The following LZTS1 variants were observed in gnomAD, a reference collection of about 807,000 sequenced individuals.
LZTS1 encodes leucine zipper putative tumor suppressor 1.
LZTS1 carries 31 observed loss-of-function variants against 45.8 expected under a neutral mutation model. The ratio of observed to expected loss-of-function variants is 0.68; its 90% CI spans 0.51 to 0.91. The LOEUF (loss-of-function observed/expected upper bound fraction) is 0.91, where lower values mean the gene tolerates loss of function less well. Among genes scored for constraint, LZTS1 ranks in the 40% least tolerant of loss-of-function variants. The probability of loss-of-function intolerance (pLI) is 0.00; values close to 1 mark genes in which losing one functional copy is unlikely to be tolerated. For missense variants in LZTS1, 821 were observed against 788.9 expected, an observed-to-expected ratio of 1.04 and a Z score of -0.49; for synonymous variants, 359 against 357.3, an observed-to-expected ratio of 1.00 and a Z score of -0.05.
chr8:20,255,104 G>A lies in LZTS1; in HGVS notation c.78C>T (p.Arg26=), dbSNP rs1164846871. Residue 26 remains arginine, a synonymous_variant, in exon 2 of 4, where the codon CGC becomes CGT. Transcript: ENST00000381569. ...TGAGCTTCTTGAGGTGGGAGGACTT[G>A]CGCAGCTTGTACTGCGAAGCCCGGC... ...KHCRASQYKL[R]KSSHLKKLNR... 1.2e-6 allele frequency: 2 copies of A among 1,614,102 alleles called. No homozygotes were observed. The highest frequency in any genetic ancestry group is 1.6e-4 in the Middle Eastern group (1 of 6,084).
At position 20,249,252 on chromosome 8, in the gene LZTS1, A is replaced by T. The variant is rs1799816570; in HGVS notation, c.*470T>A. The T allele has an allele frequency of 6.4e-6, 1 of 156,664 alleles. No individual in the cohort carries two copies. 9.7% of individuals were successfully genotyped at this position (156,664 alleles called of 1,614,324 possible). A position where few individuals can be genotyped will look rare whatever the true frequency, so the allele number is the denominator to read the frequency against. The stretch of plus-strand genomic sequence containing the variant: ...TACACCTCTGCGGCCAGAGGAAAAT[A>T]GCTCAGGTTCTGATGGGGCTGGTTC... On this transcript the variant is annotated 3_prime_UTR_variant, in exon 4 of 4. Transcript: ENST00000381569.
chr8:20,299,425 C>T (rs1801034725), intron 1 of LZTS1, among the ~76,000 whole-genome samples: 1 of 152,202 alleles, frequency 6.6e-6, no homozygotes, highest in Non-Finnish European at 1.5e-5. Flanking sequence ...CAACCTAATA[C>T]AATCCAGTTT....
At chr8:20,295,927 T>C (rs1003332018) in intron 1 of LZTS1, among the ~76,000 whole-genome samples, 3 of 152,150 alleles carry the variant, frequency 2.0e-5, no homozygotes, top group Admixed American at 6.5e-5. Flanking sequence ...TTTCCCTGCC[T>C]CCTTCACGCT....
chr8:20,273,645 C>A (rs1462455054), intron 1 of LZTS1, among the ~76,000 whole-genome samples: 1 of 152,176 alleles, frequency 6.6e-6, no homozygotes, highest in African/African-American at 2.4e-5. Context: ...CACCCTACAT[C>A]TGACCAGCCA....
At chr8:20,251,098 A>AATATATATATATATATAT (rs527759585) in intron 3 of LZTS1, among the ~76,000 whole-genome samples, 3 of 41,392 alleles carry the variant, frequency 7.2e-5, no homozygotes, top group Non-Finnish European at 1.1e-4. Flanking sequence ...CCTGAGGGCT[A>AATATATATATATATATAT]ATATATATAT....
chr8:20,295,339 C>A (rs947457510), intron 1 of LZTS1, among the ~76,000 whole-genome samples: 21 of 152,228 alleles, frequency 1.4e-4, no homozygotes, highest in African/African-American at 4.8e-4. Flanking sequence ...TGCAGTGTAA[C>A]CCTTTCCCTC....
chr8:20,268,363 G>A (rs1800404348), intron 1 of LZTS1, among the ~76,000 whole-genome samples: 1 of 151,898 alleles, frequency 6.6e-6, no homozygotes, highest in Admixed American at 6.5e-5. Context: ...TGGGGCACGT[G>A]CCCAGGGCTA....
intron 1 of LZTS1, among the ~76,000 whole-genome samples, chr8:20,268,694 T>G (rs1483248009): frequency 3.5e-5 from 4 of 114,648 alleles, no homozygotes; most frequent in African/African-American, 3.5e-5. Flanking sequence ...GAGGCGAGAG[T>G]GGAGGAGGAA....
chr8:20,275,821 G>C (rs1800569456), intron 1 of LZTS1: 1 of 152,286 alleles, frequency 6.6e-6, no homozygotes, highest in South Asian at 2.1e-4. Context: ...ATAACTGCTG[G>C]TTATGAGGAT....
chr8:20,291,710 A>T (rs1007055031), intron 1 of LZTS1, among the ~76,000 whole-genome samples: 2 of 135,052 alleles, frequency 1.5e-5, no homozygotes, highest in African/African-American at 5.7e-5. Context: ...GGCACCAATT[A>T]CCTATTTGTA....
intron 1 of LZTS1, among the ~76,000 whole-genome samples, chr8:20,270,268 C>G (rs1011816361): frequency 6.6e-6 from 1 of 152,270 alleles, no homozygotes. Context: ...CCTCTTACAT[C>G]GTTCTTCCAC....
intron 1 of LZTS1, among the ~76,000 whole-genome samples, chr8:20,294,966 A>G (rs1387228701): frequency 3.3e-5 from 5 of 151,344 alleles, no homozygotes; most frequent in Non-Finnish European, 5.9e-5. Flanking sequence ...GCATTTTCCT[A>G]TTATCTCCCC....
At position 20,260,042 on chromosome 8, in the gene LZTS1, G is replaced by A. The variant is rs114100903; in HGVS notation, c.-134-4727C>T. The stretch of plus-strand genomic sequence containing the variant: ...TTAGCCCCAGAGTAGATGGGATGAC[G>A]GCACATACCATTACTCCTGGCTAAT... On this transcript the variant is annotated intron_variant, in intron 1 of 3. Coordinates refer to ENST00000381569, the MANE Select transcript of LZTS1 (RefSeq NM_021020.5). Among the ~76,000 whole-genome samples, 878 of 152,152 alleles carry A rather than the reference G, an allele frequency of 5.8e-3. 8 individuals are homozygous for A. The highest frequency in any genetic ancestry group is 0.02 in the African/African-American group (846 of 41,502).
At chr8:20,261,692 C>T (rs1187640164) in intron 1 of LZTS1, among the ~76,000 whole-genome samples, 1 of 152,254 alleles carries the variant, frequency 6.6e-6, no homozygotes, top group Non-Finnish European at 1.5e-5. Flanking sequence ...TGTGAACTAA[C>T]CTGACTCATC....
At chr8:20,281,559 G>A (rs1439231602) in intron 1 of LZTS1, among the ~76,000 whole-genome samples, 2 of 152,132 alleles carry the variant, frequency 1.3e-5, no homozygotes, top group East Asian at 1.9e-4. Flanking sequence ...CAACAAGAGT[G>A]AAACTCTGTC....
rs1197607264 is a variant in LZTS1, at chr8:20,247,740, C to T, written c.*1982G>A. 6.6e-6 allele frequency: 1 copy of T among 152,384 alleles called. No individual in the cohort carries two copies. The highest frequency in any genetic ancestry group is 1.5e-5 in the Non-Finnish European group (1 of 68,168). 9.4% of individuals were successfully genotyped at this position (152,384 alleles called of 1,614,324 possible). ...CCCGCACTCAGGGAAGGGCTAGGAC[C>T]CATGAGGGCGGGGGGCAAGGAGAGA... On this transcript the variant is annotated 3_prime_UTR_variant, in exon 4 of 4. Coordinates refer to ENST00000381569, the MANE Select transcript of LZTS1 (RefSeq NM_021020.5).
intron 1 of LZTS1, among the ~76,000 whole-genome samples, chr8:20,270,981 G>A (rs993421563): frequency 1.3e-5 from 2 of 152,052 alleles, no homozygotes; most frequent in African/African-American, 4.8e-5. Flanking sequence ...GAAATGACCT[G>A]GCGTGGCACG....
chr8:20,276,245 A>ATTT (rs67555163), intron 1 of LZTS1, among the ~76,000 whole-genome samples: 35,915 of 145,570 alleles, frequency 0.25, 4,978 homozygotes, highest in East Asian at 0.35. Flanking sequence ...CTCCAGAGTG[A>ATTT]TTTTTTTTTT....
chr8:20,247,496 G>C lies in LZTS1; in HGVS notation c.*2226C>G, dbSNP rs1799767876. The C allele has an allele frequency of 6.5e-6, 1 of 153,032 alleles. No individual in the cohort carries two copies. The highest frequency in any genetic ancestry group is 2.4e-5 in the African/African-American group (1 of 41,486). The allele number at this position is 153,032 out of a possible 1,614,324, so 9.5% of individuals were successfully genotyped here. On this transcript the variant is annotated 3_prime_UTR_variant, in exon 4 of 4. Transcript: ENST00000381569. ...GAGGCGCAAGGAATGGGGCATCTTTGACTTGGGTCTGGACTGTGCCCAATG... is the reference window on the plus strand; with the variant it reads ...GAGGCGCAAGGAATGGGGCATCTTTCACTTGGGTCTGGACTGTGCCCAATG...
Sources: gnomAD v4.1 joint callset for allele counts (sites outside exome capture counted in the v4.1 genomes callset) on GRCh38, gnomAD v4.1.1 for gene constraint, MANE v1.5 for transcripts, NCBI Gene and HGNC (gene_info 2026-07-23, HGNC 2026-07-21) for gene names.